Variants in CRYBG3 observed in about 807,000 individuals in gnomAD.
CRYBG3 encodes the protein very large A-kinase anchor protein.
In CRYBG3, 127 loss-of-function variants were observed where a neutral mutation model predicts 244.2. That is an observed-to-expected ratio of 0.52 (90% CI 0.45 to 0.60). CRYBG3 has a LOEUF of 0.60. Among genes scored for constraint, CRYBG3 ranks in the 20% least tolerant of loss-of-function variants. The probability of loss-of-function intolerance (pLI) is 0.00; values close to 1 mark genes in which losing one functional copy is unlikely to be tolerated. For missense variants in CRYBG3, 3,325 were observed against 3,442.5 expected (o/e 0.97, Z 0.85); for synonymous variants, 1,132 against 1,195.8 (o/e 0.95, Z 1.10).
chr3:97,822,953 T>C lies in CRYBG3; in HGVS notation c.149+598T>C, dbSNP rs1295860537. ...TGCGTTCCCAAGACTTTCACCAAAATGGACTGGACATGTAAATGACGCCAC... is the reference window on the plus strand; with the variant it reads ...TGCGTTCCCAAGACTTTCACCAAAACGGACTGGACATGTAAATGACGCCAC... On this transcript the variant is annotated intron_variant, in intron 1 of 21. Coordinates refer to ENST00000389622, the MANE Select transcript of CRYBG3 (RefSeq NM_153605.4). Among the ~76,000 whole-genome samples the C allele has an allele frequency of 2.6e-5, 4 of 152,350 alleles. No individual in the cohort carries two copies. In the South Asian group the frequency reaches 6.2e-4, roughly 24 times the overall value.
In CRYBG3 at chr3:97,943,382, T is replaced by C. The variant is rs556723470; in HGVS notation, c.*68T>C. Reference sequence around the variant, plus strand: ...AGGAAACACATCTGTCATTGTCTTGTGGACGTGGAAAGGAAGCTACTGTCC... The same window carrying C: ...AGGAAACACATCTGTCATTGTCTTGCGGACGTGGAAAGGAAGCTACTGTCC... On this transcript the variant is annotated 3_prime_UTR_variant, in exon 22 of 22. Transcript: ENST00000389622. The C allele has an allele frequency of 1.1e-6, 1 of 918,630 alleles. No individual in the cohort carries two copies. Among genetic ancestry groups the C allele is most frequent in the Admixed American group, 2.1e-5 (1 of 47,510 alleles). The allele number at this position is 918,630 out of a possible 1,614,324, so 56.9% of individuals were successfully genotyped here. A position where few individuals can be genotyped will look rare whatever the true frequency, so the allele number is the denominator to read the frequency against.
intron 2 of CRYBG3, among the ~76,000 whole-genome samples, chr3:97,847,415 A>T (rs2038919543): frequency 6.6e-6 from 1 of 152,234 alleles, no homozygotes; most frequent in Non-Finnish European, 1.5e-5. Flanking sequence ...AAAAAAGCAA[A>T]TCTCAAATTA....
intron 7 of CRYBG3, among the ~76,000 whole-genome samples, chr3:97,883,964 T>A (rs1038261068): frequency 2.6e-5 from 4 of 152,198 alleles, no homozygotes; most frequent in African/African-American, 9.7e-5. Flanking sequence ...TTAAAGATAG[T>A]TATTTCATGA....
chr3:97,916,157 G>A (rs577244133), intron 17 of CRYBG3, among the ~76,000 whole-genome samples: 1 of 152,248 alleles, frequency 6.6e-6, no homozygotes, highest in African/African-American at 2.4e-5. Context: ...TTAAATGTTA[G>A]CTATTAGTAC....
intron 2 of CRYBG3, among the ~76,000 whole-genome samples, chr3:97,860,086 T>C (rs1265697142): frequency 1.3e-5 from 2 of 152,196 alleles, no homozygotes; most frequent in Non-Finnish European, 2.9e-5. Context: ...CATCTACTTA[T>C]GACTATTCCT....
In CRYBG3 at chr3:97,941,159, C is replaced by T; in HGVS notation, c.8517C>T (p.Tyr2839=). 2 of 1,609,506 alleles carry T rather than the reference C, an allele frequency of 1.2e-6. No individual in the cohort carries two copies. Among genetic ancestry groups the T allele is most frequent in the Non-Finnish European group, 1.7e-6 (2 of 1,177,502 alleles). Residue 2839 remains tyrosine, a synonymous_variant, in exon 20 of 22, where the codon TAC becomes TAT. Transcript: ENST00000389622. The stretch of plus-strand genomic sequence containing the variant: ...TTCTCCTGTCATAGCCTGCAGTGTA[C>T]ATCAGAATAAAGAACCGTGCCCAGG... ...SLRPMKQPAV[Y]IRIKNRAQGE... is the part of the protein sequence containing the mutation.
intron 18 of CRYBG3, among the ~76,000 whole-genome samples, chr3:97,934,585 A>G (rs2040138387): frequency 6.6e-6 from 1 of 152,112 alleles, no homozygotes; most frequent in Non-Finnish European, 1.5e-5. Context: ...AAATTCCGTG[A>G]TAATCAACTG....
rs746531229 is a variant in CRYBG3, at chr3:97,888,468, A to G, written c.7404+13A>G. On this transcript the variant is annotated intron_variant, in intron 9 of 21. Coordinates refer to ENST00000389622, the MANE Select transcript of CRYBG3 (RefSeq NM_153605.4). ...TCCGCTTCAAATGGTAAGCAAATTT[A>G]AAAAGAAGCATTCCTTTTCCCAAGT... 8.0e-6 allele frequency: 12 copies of G among 1,507,794 alleles called. No individual in the cohort carries two copies. The highest frequency in any genetic ancestry group is 1.1e-5 in the Non-Finnish European group (12 of 1,084,184). The allele number at this position is 1,507,794 out of a possible 1,614,324, so 93.4% of individuals were successfully genotyped here. A position where few individuals can be genotyped will look rare whatever the true frequency, so the allele number is the denominator to read the frequency against.
At chr3:97,892,583 G>A (rs1213293783) in intron 10 of CRYBG3, among the ~76,000 whole-genome samples, 1 of 151,804 alleles carries the variant, frequency 6.6e-6, no homozygotes, top group East Asian at 1.9e-4. Context: ...CTCTGATAGG[G>A]GCTTTTTTCA....
At chr3:97,893,046 C>T in intron 11 of CRYBG3, 53 bp downstream of exon 11, 2 of 1,494,476 alleles carry the variant, frequency 1.3e-6, no homozygotes, top group South Asian at 1.3e-5. Context: ...TGAAGGTCAG[C>T]ACAAAAATGT....
At chr3:97,894,412 T>A (rs1161646003) in intron 11 of CRYBG3, among the ~76,000 whole-genome samples, 2 of 152,168 alleles carry the variant, frequency 1.3e-5, no homozygotes, top group Non-Finnish European at 2.9e-5. Context: ...AATAGCTGAT[T>A]ATTTTTTTCA....
chr3:97,871,729 G>T, intron 3 of CRYBG3, 113 bp from the exon 4 acceptor site: 3 of 664,204 alleles, frequency 4.5e-6, no homozygotes. Context: ...CCCCAAATTG[G>T]TACATATTAA....
intron 2 of CRYBG3, among the ~76,000 whole-genome samples, chr3:97,852,025 C>T (rs34046695): frequency 0.2 from 30,882 of 152,020 alleles, 3,787 homozygotes; most frequent in Middle Eastern, 0.3. Flanking sequence ...ATAGCATGGC[C>T]AAGTTCAGTT....
In CRYBG3 at chr3:97,899,150, C is replaced by T. The variant is rs755121332; in HGVS notation, c.7858C>T (p.Gln2620Ter). Residue 2620 changes from glutamine to a stop codon, truncating the protein, a stop_gained, in exon 14 of 22, where the codon CAG becomes TAG. Coordinates refer to ENST00000389622, the MANE Select transcript of CRYBG3 (RefSeq NM_153605.4). LOFTEE classifies it high-confidence loss of function. ...HVKSGVWVAYQQKFFCGEQYI... is the reference protein window; with the variant it reads ...HVKSGVWVAY ...TTTCCCTACTAGATGGGTTGCCTAC[C>T]AGCAAAAGTTCTTCTGTGGAGAACA... 1 of 1,609,382 alleles carries T rather than the reference C, an allele frequency of 6.2e-7. No individual in the cohort carries two copies. The highest frequency in any genetic ancestry group is 8.5e-7 in the Non-Finnish European group (1 of 1,178,670).
Position 97,898,882 on chromosome 3 carries a change from G to C in CRYBG3, c.7702-1G>C, listed in dbSNP as rs1246443218. Reference sequence around the variant, plus strand: ...CTAAACTTTCCTCTTTCTCCTTTTAGAATTTTATAGAATCTTCTGTCACAC... The same window carrying C: ...CTAAACTTTCCTCTTTCTCCTTTTACAATTTTATAGAATCTTCTGTCACAC... On this transcript the variant is annotated splice_acceptor_variant, in intron 12 of 21. Coordinates refer to ENST00000389622, the MANE Select transcript of CRYBG3 (RefSeq NM_153605.4). LOFTEE classifies it high-confidence loss of function. The C allele has an allele frequency of 5.7e-6, 9 of 1,578,734 alleles. No homozygotes were observed. Among genetic ancestry groups the C allele is most frequent in the Non-Finnish European group, 7.7e-6 (9 of 1,163,214 alleles).
chr3:97,932,400 G>A (rs547397172), intron 17 of CRYBG3, among the ~76,000 whole-genome samples: 60 of 152,082 alleles, frequency 3.9e-4, no homozygotes, highest in Admixed American at 2.6e-3. Flanking sequence ...CCTGATGGGC[G>A]TTTAAATCAT....
chr3:97,899,478 T>A (rs1008682732), intron 14 of CRYBG3, among the ~76,000 whole-genome samples: 1 of 152,348 alleles, frequency 6.6e-6, no homozygotes, highest in East Asian at 1.9e-4. Context: ...GTTCATTCAC[T>A]TAACAGCATT....
intron 2 of CRYBG3, among the ~76,000 whole-genome samples, chr3:97,843,551 A>G (rs1378540048): frequency 6.6e-6 from 1 of 152,186 alleles, no homozygotes; most frequent in Non-Finnish European, 1.5e-5. Flanking sequence ...TGTCTTTGCT[A>G]ATCTGTAAGT....
intron 15 of CRYBG3, among the ~76,000 whole-genome samples, chr3:97,907,582 C>A (rs2039793250): frequency 6.8e-6 from 1 of 146,642 alleles, no homozygotes; most frequent in Non-Finnish European, 1.5e-5. Context: ...TCTGTGGGAT[C>A]GGTGGTGATA....
Sources: gnomAD v4.1 joint callset for allele counts (sites outside exome capture counted in the v4.1 genomes callset) on GRCh38, gnomAD v4.1.1 for gene constraint, MANE v1.5 for transcripts, NCBI Gene and HGNC (gene_info 2026-07-23, HGNC 2026-07-21) for gene names.